Variants in CHD7 observed in about 807,000 individuals in gnomAD.
CHD7 encodes the protein chromodomain helicase DNA binding protein 7.
A neutral mutation model predicts 307.3 loss-of-function variants in CHD7; 24 were observed. That is an observed-to-expected ratio of 0.08 (90% CI 0.06 to 0.11). The LOEUF is 0.11. CHD7 is among the 10% of genes least tolerant of loss of function. The pLI is 1.00. For missense variants in CHD7, 3,106 were observed against 3,727.1 expected (o/e 0.83, Z 4.34); for synonymous variants, 1,363 against 1,349.9 (o/e 1.01, Z -0.21).
At chr8:60,823,424 T>C (rs918822404) in intron 12 of CHD7, among the ~76,000 whole-genome samples, 2 of 152,078 alleles carry the variant, frequency 1.3e-5, no homozygotes, top group Non-Finnish European at 2.9e-5. Flanking sequence ...GATAGATAGA[T>C]AGATAGATAG....
intron 1 of CHD7, among the ~76,000 whole-genome samples, chr8:60,719,762 C>T (rs1313022216): frequency 2.0e-5 from 3 of 152,132 alleles, no homozygotes; most frequent in African/African-American, 4.8e-5. Context: ...TGAGAAAATC[C>T]GGCAACCAAC....
chr8:60,692,238 C>T (rs1806232205), intron 1 of CHD7, among the ~76,000 whole-genome samples: 1 of 152,204 alleles, frequency 6.6e-6, no homozygotes, highest in African/African-American at 2.4e-5. Flanking sequence ...TGCTGTTTGA[C>T]ACACTAATTA....
chr8:60,824,135 G>C lies in CHD7; in HGVS notation c.3378+119G>C, dbSNP rs555968711. On this transcript the variant is annotated intron_variant, in intron 13 of 37. Transcript: ENST00000423902. ...ATTTGAAAAGCTTGTCAAATATTGT[G>C]ATATATTCTCTGGCACTTTCAGTTA... is the stretch of plus-strand genomic sequence containing the variant. The C allele has an allele frequency of 9.0e-6, 8 of 890,568 alleles. No individual in the cohort carries two copies. The East Asian group carries it at 2.0e-4, about 22-fold the overall frequency. 55.2% of individuals were successfully genotyped at this position (890,568 alleles called of 1,614,324 possible). A position where few individuals can be genotyped will look rare whatever the true frequency, so the allele number is the denominator to read the frequency against.
At chr8:60,745,130 C>T (rs1257926429) in intron 2 of CHD7, among the ~76,000 whole-genome samples, 1 of 152,008 alleles carries the variant, frequency 6.6e-6, no homozygotes, top group Non-Finnish European at 1.5e-5. Flanking sequence ...AGTACTGTCT[C>T]TGAGGCCAGC....
intron 1 of CHD7, among the ~76,000 whole-genome samples, chr8:60,711,795 G>A (rs187067283): frequency 6.2e-4 from 95 of 152,328 alleles, no homozygotes; most frequent in African/African-American, 2.1e-3. Context: ...AATTGATCCT[G>A]CCATTGTAGA....
chr8:60,729,060 C>A (rs142239855), intron 1 of CHD7, among the ~76,000 whole-genome samples: 1 of 152,294 alleles, frequency 6.6e-6, no homozygotes, highest in Middle Eastern at 3.4e-3. Context: ...AGGTTAAAAG[C>A]TACTAAATAA....
chr8:60,832,394 G>C (rs191622648), intron 15 of CHD7, among the ~76,000 whole-genome samples: 24 of 152,244 alleles, frequency 1.6e-4, no homozygotes, highest in Middle Eastern at 3.4e-3. Flanking sequence ...TTATGTATCT[G>C]ATACTGCCAA....
At chr8:60,809,626 G>T (rs892340897) in intron 7 of CHD7, 1 of 126,904 alleles carries the variant, frequency 7.9e-6, no homozygotes, top group African/African-American at 3.1e-5. Flanking sequence ...GGAGACTCTA[G>T]CCCTCCTCAA....
rs777808985 is a variant in CHD7 at position 60,820,042 on chromosome 8, G to A, written c.2649G>A (p.Glu883=). 1 of 1,611,158 alleles carries A rather than the reference G, an allele frequency of 6.2e-7. No individual in the cohort carries two copies. Among genetic ancestry groups the A allele is most frequent in the Non-Finnish European group, 8.5e-7 (1 of 1,178,556 alleles). ...EDELFNPDYV[E]VDRIMDFARS... is the part of the protein sequence containing the mutation. ...AGCTTTTTAATCCAGATTATGTGGA[G>A]GTTGACCGGATAATGGACTTTGCAC... Residue 883 remains glutamate, a synonymous_variant, in exon 9 of 38, where the codon GAG becomes GAA. Transcript: ENST00000423902.
chr8:60,780,799 T>C (rs1247772561), intron 2 of CHD7, among the ~76,000 whole-genome samples: 7 of 152,240 alleles, frequency 4.6e-5, no homozygotes, highest in Admixed American at 3.9e-4. Flanking sequence ...ATTTTAAAAC[T>C]TTCTTTCTTA....
At chr8:60,706,648 T>G (rs1280933420) in intron 1 of CHD7, among the ~76,000 whole-genome samples, 2 of 152,144 alleles carry the variant, frequency 1.3e-5, no homozygotes, top group East Asian at 3.8e-4. Context: ...ATCTTCAAAT[T>G]ATAAGGACAA....
intron 2 of CHD7, among the ~76,000 whole-genome samples, chr8:60,777,487 A>ATT (rs1470103527): frequency 6.6e-6 from 1 of 152,240 alleles, no homozygotes; most frequent in Non-Finnish European, 1.5e-5. Flanking sequence ...AGATAAATAA[A>ATT]AAGTTGCTTT....
intron 1 of CHD7, among the ~76,000 whole-genome samples, chr8:60,707,105 A>G (rs940952408): frequency 1.4e-4 from 21 of 152,258 alleles, no homozygotes; most frequent in African/African-American, 4.8e-4. Context: ...ATATTAAGTT[A>G]ACATAAAATG....
chr8:60,772,558 G>T (rs939445563), intron 2 of CHD7, among the ~76,000 whole-genome samples: 1 of 152,124 alleles, frequency 6.6e-6, no homozygotes, highest in Non-Finnish European at 1.5e-5. Context: ...GTAGCTTCAG[G>T]TGTGGGTGTC....
rs778712380 is a variant in CHD7 at position 60,856,128 on chromosome 8, G to T, written c.7090G>T (p.Ala2364Ser). 50 of 1,609,890 alleles carry T rather than the reference G, an allele frequency of 3.1e-5. No individual in the cohort carries two copies. The South Asian group carries it at 5.4e-4, about 18-fold the overall frequency. The stretch of plus-strand genomic sequence containing the variant: ...CAGCCCCTTGCAGAAGAGGAGCTTT[G>T]CTGAGCTCTCCATGGTCGGCCAAGC... ...VDSPLQKRSF[A>S]ELSMVGQASI... The change falls in exon 33 of 38, where the codon GCT becomes TCT. Residue 2364 changes from alanine (A) to serine (S), a missense_variant. This residue lies in a region of CHD7 where 1,030 missense variants were observed against 1,165.4 expected (regional missense o/e 0.88). Transcript: ENST00000423902.
intron 2 of CHD7, among the ~76,000 whole-genome samples, chr8:60,775,433 A>G (rs1412372923): frequency 9.2e-5 from 5 of 54,216 alleles, no homozygotes; most frequent in Admixed American, 8.5e-4. Flanking sequence ...AGTGCATTTT[A>G]TATAAAGTTA....
At chr8:60,837,557 G>A (rs1399271165) in intron 17 of CHD7, 111 bp from the exon 18 acceptor site, 3 of 932,130 alleles carry the variant, frequency 3.2e-6, no homozygotes, top group African/African-American at 1.7e-5. Flanking sequence ...TCCCTAAGGC[G>A]CCACCTCCAA....
In CHD7 at chr8:60,742,505, G is replaced by A; in HGVS notation, c.1073G>A (p.Gly358Asp). ...GCTGTAGGATTCCCATCAAACAGTGGTCAAGGACTAATGCACCAGCAGCCC... is the reference window on the plus strand; with the variant it reads ...GCTGTAGGATTCCCATCAAACAGTGATCAAGGACTAATGCACCAGCAGCCC... The part of the protein sequence containing the change: ...PNAVGFPSNS[G>D]QGLMHQQPIH... Residue 358 changes from glycine (G) to aspartate (D), a missense_variant, in exon 2 of 38, where the codon GGT (glycine) becomes GAT (aspartate). Gly to Asp is a moderately conservative substitution (Grantham distance 94). Coordinates refer to ENST00000423902, the MANE Select transcript of CHD7 (RefSeq NM_017780.4). 6.2e-7 allele frequency: 1 copy of A among 1,613,976 alleles called. No individual in the cohort carries two copies. Among genetic ancestry groups the A allele is most frequent in the Non-Finnish European group, 8.5e-7 (1 of 1,179,890 alleles).
intron 11 of CHD7, 33 bp from the exon 12 acceptor site, chr8:60,822,470 A>G: frequency 6.2e-7 from 1 of 1,606,152 alleles, no homozygotes; most frequent in Non-Finnish European, 8.5e-7. Flanking sequence ...ATCCATACTC[A>G]TTAAACTTTT....
Sources: gnomAD v4.1 joint callset for allele counts (sites outside exome capture counted in the v4.1 genomes callset) on GRCh38, gnomAD v4.1.1 for gene constraint, gnomAD v4.1.1 regional missense constraint, MANE v1.5 for transcripts, NCBI Gene and HGNC (gene_info 2026-07-23, HGNC 2026-07-21) for gene names.